The following RELN variants were observed in gnomAD, a reference collection of about 807,000 sequenced individuals.
RELN encodes the protein reelin.
In RELN, 108 loss-of-function variants were observed where a neutral mutation model predicts 427.6. The observed-to-expected ratio is 0.25, with a 90% CI of 0.22 to 0.30. The LOEUF is 0.30. Among genes scored for constraint, RELN ranks in the 10% least tolerant of loss-of-function variants. RELN has a pLI of 1.00. For missense variants in RELN, 3,715 were observed against 4,302.8 expected, an observed-to-expected ratio of 0.86 and a Z score of 3.82; for synonymous variants, 1,524 against 1,513.4, an observed-to-expected ratio of 1.01 and a Z score of -0.16.
intron 2 of RELN, among the ~76,000 whole-genome samples, chr7:103,902,070 A>G (rs1795094884): frequency 1.3e-5 from 2 of 151,924 alleles, no homozygotes; most frequent in African/African-American, 2.4e-5. Context: ...ATATTTTAAA[A>G]TTCATTCTAA....
At chr7:103,773,187 T>C (rs1196562441) in intron 4 of RELN, among the ~76,000 whole-genome samples, 1 of 127,562 alleles carries the variant, frequency 7.8e-6, no homozygotes, top group Non-Finnish European at 1.7e-5. Context: ...TCCTTCTTTC[T>C]TTTCTTTCTT....
At position 103,976,928 on chromosome 7, in the gene RELN, T is replaced by C. The variant is rs566622274; in HGVS notation, c.226+12203A>G. On this transcript the variant is annotated intron_variant, in intron 1 of 64. Coordinates refer to ENST00000428762, the MANE Select transcript of RELN (RefSeq NM_005045.4). ...TGAGTGGGGTATGGTGGCACGTGCCTGTAATCCCAGCTACTCAGGAGGCTG... is the reference window on the plus strand; with the variant it reads ...TGAGTGGGGTATGGTGGCACGTGCCCGTAATCCCAGCTACTCAGGAGGCTG... Among the ~76,000 whole-genome samples, 206 of 152,168 alleles carry C rather than the reference T, an allele frequency of 1.4e-3. 1 individual carries two copies. Among genetic ancestry groups the C allele is most frequent in the African/African-American group, 4.6e-3 (191 of 41,506 alleles).
At position 103,694,955 on chromosome 7, in the gene RELN, G is replaced by A. The variant is rs889944017; in HGVS notation, c.1143+2898C>T. Among the ~76,000 whole-genome samples, 45 of 151,828 alleles carry A rather than the reference G, an allele frequency of 3.0e-4. 2 individuals carry two copies. The highest frequency in any genetic ancestry group is 8.8e-5 in the Non-Finnish European group (6 of 67,976). Reference sequence around the variant, plus strand: ...GCTGGGATTACAAGCATGATCCTCTGTGCCTGGCCATCTTGGAAACTTTTA... The same window carrying A: ...GCTGGGATTACAAGCATGATCCTCTATGCCTGGCCATCTTGGAAACTTTTA... On this transcript the variant is annotated intron_variant, in intron 10 of 64. Coordinates refer to ENST00000428762, the MANE Select transcript of RELN (RefSeq NM_005045.4).
intron 10 of RELN, among the ~76,000 whole-genome samples, chr7:103,687,126 C>T (rs1833781067): frequency 6.6e-6 from 1 of 152,050 alleles, no homozygotes; most frequent in Non-Finnish European, 1.5e-5. Context: ...TATTTTGTGA[C>T]AAGTGTATAA....
intron 2 of RELN, among the ~76,000 whole-genome samples, chr7:103,883,792 C>A (rs1363059152): frequency 1.3e-5 from 2 of 152,148 alleles, no homozygotes; most frequent in African/African-American, 4.8e-5. Flanking sequence ...AGGACACAAA[C>A]AAATGGATTA....
intron 38 of RELN, among the ~76,000 whole-genome samples, chr7:103,556,762 G>A (rs1445809406): frequency 2.6e-5 from 4 of 152,184 alleles, no homozygotes; most frequent in Admixed American, 6.5e-5. Context: ...GCAAGTGTAA[G>A]TCCGATTAAA....
At chr7:103,892,114 G>A (rs560107121) in intron 2 of RELN, among the ~76,000 whole-genome samples, 1 of 152,260 alleles carries the variant, frequency 6.6e-6, no homozygotes, top group East Asian at 1.9e-4. Context: ...TCCAAATGAT[G>A]TATTACTCTG....
chr7:103,952,501 C>A (rs967793451), intron 1 of RELN, among the ~76,000 whole-genome samples: 6 of 151,668 alleles, frequency 4.0e-5, no homozygotes, highest in Non-Finnish European at 8.8e-5. Flanking sequence ...TTTTTATAAA[C>A]CTTGCTTTAA....
intron 2 of RELN, among the ~76,000 whole-genome samples, chr7:103,893,496 G>A (rs1357788230): frequency 6.6e-6 from 1 of 152,140 alleles, no homozygotes; most frequent in Non-Finnish European, 1.5e-5. Flanking sequence ...ATAAGGTAAT[G>A]CATGACCTTG....
At chr7:103,724,249 A>G (rs1319827571) in intron 7 of RELN, among the ~76,000 whole-genome samples, 1 of 152,036 alleles carries the variant, frequency 6.6e-6, no homozygotes, top group African/African-American at 2.4e-5. Context: ...TGTCTTAATA[A>G]CATCTTTAGA....
intron 2 of RELN, among the ~76,000 whole-genome samples, chr7:103,915,096 C>A (rs912794928): frequency 6.6e-6 from 1 of 152,132 alleles, no homozygotes; most frequent in African/African-American, 2.4e-5. Flanking sequence ...AGTCCAGCCA[C>A]TCCAAGGTTT....
intron 38 of RELN, among the ~76,000 whole-genome samples, chr7:103,556,702 A>T (rs1830530141): frequency 6.6e-6 from 1 of 152,132 alleles, no homozygotes; most frequent in African/African-American, 2.4e-5. Flanking sequence ...CTGCCATGTA[A>T]GACATGCCTT....
chr7:103,897,830 C>T (rs1794994862), intron 2 of RELN, among the ~76,000 whole-genome samples: 1 of 151,982 alleles, frequency 6.6e-6, no homozygotes, highest in Admixed American at 6.6e-5. Flanking sequence ...ATTTAAAGAA[C>T]AATTCTCAGA....
Position 103,565,569 on chromosome 7 carries a change from G to T in RELN, c.4937-18C>A, listed in dbSNP as rs771475932. ...AGGTTTTCCTGAAAAAAAAAAATGT[G>T]TAATGGTAGCATATATGTGTGCCAT... On this transcript the variant is annotated intron_variant, in intron 33 of 64. Transcript: ENST00000428762. 7.5e-6 allele frequency: 12 copies of T among 1,605,014 alleles called. No homozygotes were observed. The highest frequency in any genetic ancestry group is 1.0e-5 in the Non-Finnish European group (12 of 1,174,338).
intron 11 of RELN, among the ~76,000 whole-genome samples, chr7:103,673,284 C>G (rs1833435185): frequency 6.6e-6 from 1 of 151,994 alleles, no homozygotes; most frequent in Admixed American, 6.6e-5. Context: ...TCTGGCTTAT[C>G]TATTTTTTAA....
chr7:103,489,300 T>A (rs921726148), intron 60 of RELN, among the ~76,000 whole-genome samples: 3 of 151,922 alleles, frequency 2.0e-5, no homozygotes, highest in South Asian at 4.1e-4. Flanking sequence ...CAGTGGCAGC[T>A]GCTGCTGGAA....
Position 103,650,369 on chromosome 7 carries a change from G to C in RELN, c.1907C>G (p.Thr636Arg), listed in dbSNP as rs748555946. The C allele has an allele frequency of 6.2e-7, 1 of 1,610,326 alleles. No individual in the cohort carries two copies. Among genetic ancestry groups the C allele is most frequent in the Admixed American group, 1.7e-5 (1 of 59,820 alleles). The change falls in exon 16 of 65, where the codon ACA becomes AGA. Residue 636 changes from threonine (T) to arginine (R), a missense_variant. Thr to Arg is a moderately conservative substitution (Grantham distance 71). Around this residue, in one of 4 missense-constraint regions of RELN, gnomAD observed 2,208 missense variants for 2,361.7 expected, o/e 0.93. Transcript: ENST00000428762. ...TAGTGCTGCGTTAGGAAGGGGAATT[G>C]TTATTCGGTTCCACCTGCAAGAAAT... ...SENYSGWNRI[T>R]IPLPNAALTR...
At chr7:103,768,200 C>G (rs542358104) in intron 4 of RELN, among the ~76,000 whole-genome samples, 6 of 151,992 alleles carry the variant, frequency 3.9e-5, no homozygotes, top group African/African-American at 1.4e-4. Context: ...AGTGAATGAA[C>G]CTAAGCATCT....
chr7:103,480,686 AT>A (rs1469226193), intron 63 of RELN, among the ~76,000 whole-genome samples: 10 of 152,234 alleles, frequency 6.6e-5, no homozygotes, highest in African/African-American at 2.4e-4. Context: ...TTGAAATGTC[AT>A]TAAAGAGACT....
Sources: gnomAD v4.1 joint callset for allele counts (sites outside exome capture counted in the v4.1 genomes callset) on GRCh38, gnomAD v4.1.1 for gene constraint, gnomAD v4.1.1 regional missense constraint, MANE v1.5 for transcripts, NCBI Gene and HGNC (gene_info 2026-07-23, HGNC 2026-07-21) for gene names.